Variants in ADGRL2 observed in about 807,000 individuals in gnomAD.
ADGRL2 encodes the protein calcium-independent alpha-latrotoxin receptor 2.
Under a neutral mutation model 157.4 loss-of-function variants are expected in ADGRL2, and 44 were observed. The observed-to-expected ratio is 0.28, with a 90% CI of 0.22 to 0.36. The LOEUF is 0.36. Ranked by LOEUF, ADGRL2 falls within the 10% of genes least tolerant of loss-of-function variation. The pLI is 1.00. For missense variants in ADGRL2, 1,510 were observed against 1,768.9 expected, an observed-to-expected ratio of 0.85 and a Z score of 2.63; for synonymous variants, 585 against 624.7, an observed-to-expected ratio of 0.94 and a Z score of 0.95.
At position 81,992,549 on chromosome 1, in the gene ADGRL2, G is replaced by C. The variant is rs936097539; in HGVS notation, c.*1404G>C. On this transcript the variant is annotated 3_prime_UTR_variant, in exon 24 of 24. Coordinates refer to ENST00000686636, the MANE Select transcript of ADGRL2 (RefSeq NM_001366006.2). The stretch of plus-strand genomic sequence containing the variant: ...ATGAAAGGATACAATTAAGTTGCCT[G>C]TTTGTTCTTTATGCTGAAAGGAATA... 2 of 152,258 alleles carry C rather than the reference G, an allele frequency of 1.3e-5. No homozygotes were observed. The highest frequency in any genetic ancestry group is 4.8e-5 in the African/African-American group (2 of 41,440). The allele number at this position is 152,258 out of a possible 1,614,324, so 9.4% of individuals were successfully genotyped here. A position where few individuals can be genotyped will look rare whatever the true frequency, so the allele number is the denominator to read the frequency against.
In ADGRL2 at chr1:81,502,890, C is replaced by T. The variant is rs2078885557; in HGVS notation, c.-248+57801C>T. 2.5e-6 allele frequency: 4 copies of T among 1,613,514 alleles called. No homozygotes were observed. In the East Asian group the frequency reaches 8.9e-5, roughly 36 times the overall value. On this transcript the variant is annotated intron_variant, in intron 2 of 24. Transcript: ENST00000370721. The stretch of plus-strand genomic sequence containing the variant: ...TCCGCTTTCCCATCCTTGGGCTTGG[C>T]TCCAGCAGTGGCACCAATACCAGTA...
chr1:81,715,298 T>A (rs1284252118), intron 1 of ADGRL2, among the ~76,000 whole-genome samples: 1 of 152,068 alleles, frequency 6.6e-6, no homozygotes, highest in Non-Finnish European at 1.5e-5. Flanking sequence ...TTTTTTCCTT[T>A]TTTTAATTCT....
intron 1 of ADGRL2, among the ~76,000 whole-genome samples, chr1:81,316,425 C>T (rs2100586213): frequency 6.6e-6 from 1 of 152,182 alleles, no homozygotes; most frequent in Non-Finnish European, 1.5e-5. Context: ...TGAAAATGAC[C>T]TCCTTTGCTT....
chr1:81,479,865 C>T (rs932541915), intron 2 of ADGRL2, among the ~76,000 whole-genome samples: 3 of 152,104 alleles, frequency 2.0e-5, no homozygotes, highest in Non-Finnish European at 4.4e-5. Flanking sequence ...ATTTAGATGT[C>T]TTCATTTGTT....
intron 2 of ADGRL2, among the ~76,000 whole-genome samples, chr1:81,472,106 G>T (rs963825309): frequency 6.6e-6 from 1 of 152,078 alleles, no homozygotes; most frequent in African/African-American, 2.4e-5. Context: ...AAATTAGGGA[G>T]TCATAACTTA....
At chr1:81,624,340 G>A (rs2081863208) in intron 3 of ADGRL2, among the ~76,000 whole-genome samples, 1 of 152,042 alleles carries the variant, frequency 6.6e-6, no homozygotes, top group African/African-American at 2.4e-5. Flanking sequence ...CAGCACATTG[G>A]GAGGCCGAGG....
At chr1:81,681,627 C>T (rs755844466) in intron 3 of ADGRL2, among the ~76,000 whole-genome samples, 2 of 152,150 alleles carry the variant, frequency 1.3e-5, no homozygotes, top group Non-Finnish European at 2.9e-5. Context: ...ATCTGTGTAA[C>T]TTGTTTCTGG....
intron 2 of ADGRL2, among the ~76,000 whole-genome samples, chr1:81,512,358 G>A (rs975024416): frequency 8.5e-5 from 13 of 152,142 alleles, no homozygotes; most frequent in South Asian, 2.1e-4. Flanking sequence ...GAGCTGTGTC[G>A]GAGCAGGGAC....
chr1:81,605,188 C>A (rs1169823748), intron 3 of ADGRL2, among the ~76,000 whole-genome samples: 1 of 152,196 alleles, frequency 6.6e-6, no homozygotes, highest in Non-Finnish European at 1.5e-5. Flanking sequence ...GCCCTTCCCC[C>A]AGTCTGCAAA....
chr1:81,776,253 A>G (rs1255792664), intron 2 of ADGRL2, among the ~76,000 whole-genome samples: 1 of 151,662 alleles, frequency 6.6e-6, no homozygotes, highest in African/African-American at 2.4e-5. Context: ...CAGTGGCACA[A>G]TCTCTGCTCA....
chr1:81,377,241 A>G (rs931478790), intron 1 of ADGRL2, among the ~76,000 whole-genome samples: 1 of 150,020 alleles, frequency 6.7e-6, no homozygotes, highest in African/African-American at 2.5e-5. Context: ...GTAAAAAAAC[A>G]TCAATCATCA....
intron 2 of ADGRL2, among the ~76,000 whole-genome samples, chr1:81,454,042 T>C (rs2077752406): frequency 6.6e-6 from 1 of 152,130 alleles, no homozygotes; most frequent in African/African-American, 2.4e-5. Flanking sequence ...TGCCGGCAAA[T>C]AATGTTTCGT....
intron 1 of ADGRL2, among the ~76,000 whole-genome samples, chr1:81,330,495 T>A (rs1661199014): frequency 6.6e-6 from 1 of 152,182 alleles, no homozygotes; most frequent in Non-Finnish European, 1.5e-5. Context: ...AAATATCTAA[T>A]GTATCTTACT....
intron 1 of ADGRL2, among the ~76,000 whole-genome samples, chr1:81,307,389 T>C (rs995447845): frequency 2.0e-5 from 3 of 152,194 alleles, no homozygotes; most frequent in African/African-American, 7.2e-5. Context: ...AATCACTCCT[T>C]AGTCATATCA....
At chr1:81,450,177 T>G (rs968161969) in intron 2 of ADGRL2, among the ~76,000 whole-genome samples, 10 of 152,102 alleles carry the variant, frequency 6.6e-5, no homozygotes, top group African/African-American at 2.4e-4. Flanking sequence ...AATAAACCAT[T>G]TGCCATCTGA....
intron 1 of ADGRL2, among the ~76,000 whole-genome samples, chr1:81,700,712 G>A (rs72718838): frequency 6.6e-6 from 1 of 152,146 alleles, no homozygotes; most frequent in Non-Finnish European, 1.5e-5. Context: ...ACTCCAGAAG[G>A]GGGAAAGATA....
At chr1:81,873,806 T>C (rs1205195503) in intron 2 of ADGRL2, among the ~76,000 whole-genome samples, 1 of 152,090 alleles carries the variant, frequency 6.6e-6, no homozygotes, top group East Asian at 1.9e-4. Context: ...AACAAACACA[T>C]CCAAAGTGCC....
rs182884847 is a variant in ADGRL2 at position 81,754,706 on chromosome 1, C to A, written c.-142-7105C>A. On this transcript the variant is annotated intron_variant, in intron 1 of 20. Coordinates refer to the ADGRL2 transcript ENST00000359929. ...CCTTCCTCCCTCCCTTCCTTCCTTC[C>A]TCTCTCTCTCTTTCTTTTTTTCTTT... is the stretch of plus-strand genomic sequence containing the variant. 4.8e-5 allele frequency among the ~76,000 whole-genome samples: 7 copies of A among 145,300 alleles called. No homozygotes were observed. The East Asian group carries it at 1.4e-3, about 30-fold the overall frequency.
Position 81,342,652 on chromosome 1 carries a change from TTAAG to T in ADGRL2, c.-302+36147_-302+36150del, listed in dbSNP as rs562180881. ...TAATCTAATAAATTTCAATTTTCCA[TTAAG>T]TAACTTATTTTTCTTAATTTAGTTA... is the stretch of plus-strand genomic sequence containing the variant. On this transcript the variant is annotated intron_variant, in intron 1 of 24. Coordinates refer to the ADGRL2 transcript ENST00000370721. Among the ~76,000 whole-genome samples, 15 of 152,336 alleles carry T rather than the reference TTAAG, an allele frequency of 9.8e-5. No homozygotes were observed. In the East Asian group the frequency reaches 2.1e-3, roughly 22 times the overall value.
Sources: allele counts gnomAD v4.1 joint callset (sites outside exome capture counted in the v4.1 genomes callset), GRCh38; gene constraint gnomAD v4.1.1; transcripts MANE v1.5; gene names NCBI Gene and HGNC (gene_info 2026-07-23, HGNC 2026-07-21).